Variants in PRKCZ observed in about 807,000 individuals in gnomAD.
The protein encoded by PRKCZ is protein kinase C zeta.
In PRKCZ, 33 loss-of-function variants were observed where a neutral mutation model predicts 79.5. The observed-to-expected ratio is 0.41, with a 90% CI of 0.31 to 0.55. PRKCZ has a LOEUF of 0.55. Among genes scored for constraint, PRKCZ ranks in the 20% least tolerant of loss-of-function variants. The pLI, the probability that PRKCZ is intolerant of heterozygous loss-of-function variation, is 0.19. For synonymous variants in PRKCZ, 342 were observed against 320.9 expected (o/e 1.07, Z -0.70); for missense variants, 578 against 813.5 (o/e 0.71, Z 3.52).
chr1:2,085,382 C>T (rs929825599), intron 4 of PRKCZ, among the ~76,000 whole-genome samples: 1 of 152,266 alleles, frequency 6.6e-6, no homozygotes, highest in African/African-American at 2.4e-5. Context: ...AGCCTGTTGA[C>T]CATCTTACTG....
chr1:2,084,793 T>C (rs1380415224), intron 4 of PRKCZ, among the ~76,000 whole-genome samples: 1 of 151,852 alleles, frequency 6.6e-6, no homozygotes. Flanking sequence ...TCGCCTGAGC[T>C]CAGGAGTTTT....
chr1:2,099,611 G>A (rs1667117355), intron 4 of PRKCZ, among the ~76,000 whole-genome samples: 1 of 152,192 alleles, frequency 6.6e-6, no homozygotes, highest in South Asian at 2.1e-4. Flanking sequence ...TGGGCAGCCG[G>A]GGGCACGGCA....
At chr1:2,147,199 T>C (rs1678753274) in intron 7 of PRKCZ, among the ~76,000 whole-genome samples, 2 of 151,764 alleles carry the variant, frequency 1.3e-5, no homozygotes, top group South Asian at 4.2e-4. Flanking sequence ...AACCGTCTAT[T>C]GTCCACTGAC....
intron 10 of PRKCZ, among the ~76,000 whole-genome samples, chr1:2,167,578 C>G (rs1439063714): frequency 2.0e-5 from 3 of 152,058 alleles, no homozygotes; most frequent in African/African-American, 7.2e-5. Context: ...GGTGAAGTCA[C>G]CCTAAGGGTT....
rs945609897 is a variant in PRKCZ at position 2,149,030 on chromosome 1, C to T, written c.687+106C>T. 4.5e-5 allele frequency: 57 copies of T among 1,261,214 alleles called. No homozygotes were observed. The East Asian group carries it at 7.7e-4, about 17-fold the overall frequency. The allele number at this position is 1,261,214 out of a possible 1,614,324, so 78.1% of individuals were successfully genotyped here. On this transcript the variant is annotated intron_variant, in intron 8 of 17. Coordinates refer to ENST00000378567, the MANE Select transcript of PRKCZ (RefSeq NM_002744.6). This position sits in a 1 kb window ranked among gnomAD's most constrained non-coding sequence, Gnocchi z 4.1. ...ATCTAGATGTGAAATAGACATGGTC[C>T]GGGGTGTTGCTAACTAATCTTCACG... is the stretch of plus-strand genomic sequence containing the variant.
chr1:2,085,476 C>T (rs564528848), intron 4 of PRKCZ, among the ~76,000 whole-genome samples: 12 of 152,388 alleles, frequency 7.9e-5, no homozygotes, highest in East Asian at 1.9e-4. Context: ...CTGGTTGCTG[C>T]GCACGGTGCT....
At chr1:2,069,218 A>G (rs532791040) in intron 4 of PRKCZ, among the ~76,000 whole-genome samples, 1 of 151,852 alleles carries the variant, frequency 6.6e-6, no homozygotes, top group East Asian at 1.9e-4. Context: ...TGAAACTGAG[A>G]TCCTCTAGCC....
chr1:2,140,028 C>T (rs1677000025), intron 5 of PRKCZ, among the ~76,000 whole-genome samples: 3 of 152,142 alleles, frequency 2.0e-5, no homozygotes, highest in Admixed American at 1.3e-4. Flanking sequence ...GAGGAGTGAC[C>T]ACTTGGGTCC....
chr1:2,089,087 T>C (rs1665033260), intron 4 of PRKCZ, among the ~76,000 whole-genome samples: 1 of 152,264 alleles, frequency 6.6e-6, no homozygotes, highest in Admixed American at 6.5e-5. Context: ...GTGCCAGTTC[T>C]GTTCCGGGCT....
intron 16 of PRKCZ, chr1:2,182,012 T>C: frequency 2.7e-6 from 1 of 371,010 alleles, no homozygotes. Flanking sequence ...GGATGCTGCC[T>C]GTGGCCCAGC....
At chr1:2,110,827 C>T (rs544487491) in intron 4 of PRKCZ, among the ~76,000 whole-genome samples, 52 of 151,636 alleles carry the variant, frequency 3.4e-4, no homozygotes, top group African/African-American at 1.3e-3. Context: ...GGCTGGTGGA[C>T]AGTAGAGTCC....
chr1:2,053,835 C>T (rs758392802), intron 1 of PRKCZ, among the ~76,000 whole-genome samples: 7 of 152,218 alleles, frequency 4.6e-5, no homozygotes, highest in Non-Finnish European at 8.8e-5. Context: ...GTGTGTGACC[C>T]CCCTCCATTC....
chr1:2,184,996 A>G lies in PRKCZ; in HGVS notation c.1766A>G (p.Glu589Gly). ...EYINPLLLSTEESV is the reference protein window; with the variant it reads ...EYINPLLLSTGESV ...ATCAACCCATTATTGCTGTCCACCG[A>G]GGAGTCGGTGTGAGGCCGCGTGCGT... Residue 589 changes from glutamate (E) to glycine (G), a missense_variant, in exon 18 of 18, where the codon GAG (glutamate) becomes GGG (glycine). Around this residue, in one of 4 missense-constraint regions of PRKCZ, gnomAD observed 243 missense variants for 467.0 expected, o/e 0.52. Coordinates refer to ENST00000378567, the MANE Select transcript of PRKCZ (RefSeq NM_002744.6). 2 of 1,613,182 alleles carry G rather than the reference A, an allele frequency of 1.2e-6. No homozygotes were observed. The highest frequency in any genetic ancestry group is 8.5e-7 in the Non-Finnish European group (1 of 1,179,676).
At chr1:2,142,571 GC>G in intron 5 of PRKCZ, 1 of 259,216 alleles carries the variant, frequency 3.9e-6, no homozygotes, top group Non-Finnish European at 7.7e-6. Flanking sequence ...TGGGTGGGAT[GC>G]CCCCTCTCAC....
Position 2,122,933 on chromosome 1 carries a change from C to T in PRKCZ, c.335-12329C>T, listed in dbSNP as rs866714266. On this transcript the variant is annotated intron_variant, in intron 4 of 17. Transcript: ENST00000378567. ...GTCACGGTGGTGGTTAGGGTCACGG[C>T]GGTGGTTAGGGTCACGGTGGTAGTT... Among the ~76,000 whole-genome samples the T allele has an allele frequency of 7.2e-3, 5 of 692 alleles. 1 individual carries two copies. The highest frequency in any genetic ancestry group is 0.027 in the African/African-American group (2 of 74). The allele number at this position is 692 out of a possible 152,430, so 0.5% of individuals were successfully genotyped here. A position where few individuals can be genotyped will look rare whatever the true frequency, so the allele number is the denominator to read the frequency against.
At chr1:2,170,857 G>A (rs1684289304) in intron 11 of PRKCZ, among the ~76,000 whole-genome samples, 1 of 152,222 alleles carries the variant, frequency 6.6e-6, no homozygotes, top group Non-Finnish European at 1.5e-5. Flanking sequence ...ATGCCCCGTT[G>A]GATGGAGGGG....
At position 2,144,011 on chromosome 1, in the gene PRKCZ, C is replaced by T. The variant is rs934797131; in HGVS notation, c.421-199C>T. The T allele has an allele frequency of 9.1e-6, 6 of 657,134 alleles. No individual in the cohort carries two copies. In the African/African-American group the frequency reaches 1.1e-4, roughly 12 times the overall value. 40.7% of individuals were successfully genotyped at this position (657,134 alleles called of 1,614,324 possible). A position where few individuals can be genotyped will look rare whatever the true frequency, so the allele number is the denominator to read the frequency against. Reference sequence around the variant, plus strand: ...AGGCCTCTCCTTGGGGCCACTGGTTCCCCCAACCTTGGGATAGACCCAAGA... The same window carrying T: ...AGGCCTCTCCTTGGGGCCACTGGTTTCCCCAACCTTGGGATAGACCCAAGA... On this transcript the variant is annotated intron_variant, in intron 5 of 17. Coordinates refer to ENST00000378567, the MANE Select transcript of PRKCZ (RefSeq NM_002744.6).
intron 4 of PRKCZ, among the ~76,000 whole-genome samples, chr1:2,097,492 G>A (rs1666724200): frequency 6.6e-6 from 1 of 152,218 alleles, no homozygotes; most frequent in African/African-American, 2.4e-5. Context: ...TTCCTTACCT[G>A]CCCTTGGACC....
intron 4 of PRKCZ, among the ~76,000 whole-genome samples, chr1:2,115,665 G>T (rs1670616525): frequency 6.6e-6 from 1 of 152,218 alleles, no homozygotes; most frequent in Non-Finnish European, 1.5e-5. Flanking sequence ...GGGTGTCCGT[G>T]ACCCCTTCCT....
Sources: gnomAD v4.1 joint callset for allele counts (sites outside exome capture counted in the v4.1 genomes callset) on GRCh38, gnomAD v4.1.1 for gene constraint, gnomAD v4.1.1 regional missense constraint, Gnocchi (gnomAD v3.1) non-coding constraint, MANE v1.5 for transcripts, NCBI Gene and HGNC (gene_info 2026-07-23, HGNC 2026-07-21) for gene names.